TAOK3: variants seen among roughly 807,000 people sequenced by gnomAD.
TAOK3 encodes the protein serine/threonine-protein kinase TAO3.
Under a neutral mutation model 120.4 loss-of-function variants are expected in TAOK3, and 40 were observed. The observed-to-expected ratio is 0.33, with a 90% CI of 0.26 to 0.43. The LOEUF (loss-of-function observed/expected upper bound fraction) is 0.43. Among genes scored for constraint, TAOK3 ranks in the 20% least tolerant of loss-of-function variants. TAOK3 has a pLI of 1.00. For missense variants in TAOK3, 821 were observed against 1,112.1 expected, an observed-to-expected ratio of 0.74 and a Z score of 3.72; for synonymous variants, 355 against 387.5, an observed-to-expected ratio of 0.92 and a Z score of 0.99.
chr12:118,250,495 G>T (rs998177059), intron 3 of TAOK3, among the ~76,000 whole-genome samples: 1 of 152,170 alleles, frequency 6.6e-6, no homozygotes, highest in Non-Finnish European at 1.5e-5. Context: ...AATACTAGCT[G>T]CCAGACTCTG....
intron 1 of TAOK3, among the ~76,000 whole-genome samples, chr12:118,344,563 G>C (rs1462308263): frequency 6.6e-6 from 1 of 151,872 alleles, no homozygotes; most frequent in Non-Finnish European, 1.5e-5. Flanking sequence ...AAAATACATG[G>C]CAATTGGAAC....
At position 118,215,925 on chromosome 12, in the gene TAOK3, C is replaced by A. The variant is rs948740830; in HGVS notation, c.644-1815G>T. 1.2e-3 allele frequency among the ~76,000 whole-genome samples: 181 copies of A among 149,648 alleles called. 1 individual carries two copies. The highest frequency in any genetic ancestry group is 4.3e-3 in the African/African-American group (176 of 40,504). The stretch of plus-strand genomic sequence containing the variant: ...TTTTTTTTTTTGTATAGAGGCTGGG[C>A]GCGTTGGCTGACACCTATAATCCCA... On this transcript the variant is annotated intron_variant, in intron 9 of 20. Coordinates refer to ENST00000392533, the MANE Select transcript of TAOK3 (RefSeq NM_016281.4).
At chr12:118,252,926 C>T (rs1341924928) in intron 3 of TAOK3, among the ~76,000 whole-genome samples, 3 of 152,098 alleles carry the variant, frequency 2.0e-5, no homozygotes, top group Non-Finnish European at 2.9e-5. Flanking sequence ...CGGGGTTTCT[C>T]CGTGTTAGCC....
chr12:118,212,980 C>T lies in TAOK3; in HGVS notation c.753G>A (p.Arg251=). 1 of 1,612,132 alleles carries T rather than the reference C, an allele frequency of 6.2e-7. No individual in the cohort carries two copies. The highest frequency in any genetic ancestry group is 1.7e-4 in the Middle Eastern group (1 of 6,054). Residue 251 remains arginine, a synonymous_variant, in exon 11 of 21, where the codon AGG becomes AGA. Transcript: ENST00000392533. ...LQSNEWTDSF[R]RFVDYCLQKI... is the part of the protein sequence containing the mutation. ...TCTGCAAGCAGTAATCAACAAATCT[C>T]CTAAAGGAGTCTGTCCTGTGTGTGC...
At chr12:118,347,646 T>C (rs1202896895) in intron 1 of TAOK3, among the ~76,000 whole-genome samples, 2 of 152,188 alleles carry the variant, frequency 1.3e-5, no homozygotes, top group African/African-American at 2.4e-5. Context: ...ACCCACCTCT[T>C]CTGGCTTATC....
intron 1 of TAOK3, among the ~76,000 whole-genome samples, chr12:118,341,256 T>C (rs1201027748): frequency 1.3e-5 from 2 of 152,046 alleles, no homozygotes; most frequent in Non-Finnish European, 2.9e-5. Context: ...CTGCCTCGGC[T>C]TCCCAAAGTG....
At chr12:118,296,448 T>C (rs902794439) in intron 1 of TAOK3, among the ~76,000 whole-genome samples, 5 of 152,186 alleles carry the variant, frequency 3.3e-5, no homozygotes, top group East Asian at 1.9e-4. Flanking sequence ...TTTTTTCTAA[T>C]GGACAGAGCA....
At chr12:118,282,088 A>G (rs1223722755) in intron 1 of TAOK3, among the ~76,000 whole-genome samples, 4 of 152,226 alleles carry the variant, frequency 2.6e-5, no homozygotes, top group African/African-American at 2.4e-5. Context: ...TCCTTGATCT[A>G]CAGTAACCTG....
chr12:118,154,925 C>G (rs1394464210), intron 19 of TAOK3, among the ~76,000 whole-genome samples: 1 of 152,086 alleles, frequency 6.6e-6, no homozygotes, highest in Non-Finnish European at 1.5e-5. Context: ...TCCCCCTTAT[C>G]CCCCCAAGCC....
intron 20 of TAOK3, among the ~76,000 whole-genome samples, chr12:118,152,020 G>A (rs1260093838): frequency 6.6e-6 from 1 of 152,186 alleles, no homozygotes; most frequent in Non-Finnish European, 1.5e-5. Flanking sequence ...GAAAGACTTA[G>A]GATGTGGGGT....
chr12:118,353,956 A>G (rs2045288899), intron 1 of TAOK3, among the ~76,000 whole-genome samples: 1 of 152,172 alleles, frequency 6.6e-6, no homozygotes, highest in African/African-American at 2.4e-5. Flanking sequence ...CTGTTTTGCT[A>G]ACACATCCCT....
rs2138136949 is a variant in TAOK3 at position 118,150,903 on chromosome 12, G to T, written c.*94C>A. The T allele has an allele frequency of 1.6e-6, 2 of 1,228,284 alleles. No homozygotes were observed. Among genetic ancestry groups the T allele is most frequent in the Non-Finnish European group, 2.2e-6 (2 of 891,706 alleles). 76.1% of individuals were successfully genotyped at this position (1,228,284 alleles called of 1,614,324 possible). A position where few individuals can be genotyped will look rare whatever the true frequency, so the allele number is the denominator to read the frequency against. On this transcript the variant is annotated 3_prime_UTR_variant, in exon 21 of 21. Transcript: ENST00000392533. ...AAGAGAGAGAGAGAGTGAGAGCAAC[G>T]CCCGTTAAAATGGGGAATGTGGTTT...
At chr12:118,255,329 T>C in intron 3 of TAOK3, 119 bp downstream of exon 3, 2 of 1,059,992 alleles carry the variant, frequency 1.9e-6, no homozygotes, top group Middle Eastern at 3.0e-4. Context: ...CCTAGGCTGG[T>C]CTTTCCTCCC....
intron 1 of TAOK3, among the ~76,000 whole-genome samples, chr12:118,319,354 C>T (rs183398530): frequency 3.5e-4 from 53 of 152,134 alleles, no homozygotes; most frequent in Admixed American, 1.0e-3. Flanking sequence ...TATCAAAGGA[C>T]GCTATCAAGA....
rs566255288 is a variant in TAOK3, at chr12:118,274,311, T to C, written c.-193-7552A>G. Among the ~76,000 whole-genome samples the C allele has an allele frequency of 2.6e-5, 4 of 152,254 alleles. No homozygotes were observed. In the South Asian group the frequency reaches 8.3e-4, roughly 32 times the overall value. ...GTTCTATAGCCCAACTGTGAACAAA[T>C]ATCCTCACATTTAAGAGCTGAAAAA... is the stretch of plus-strand genomic sequence containing the variant. On this transcript the variant is annotated intron_variant, in intron 1 of 20. Transcript: ENST00000392533.
At chr12:118,152,532 AAC>A (rs748820446) in intron 19 of TAOK3, 123 bp from the exon 20 acceptor site, 98 of 891,214 alleles carry the variant, frequency 1.1e-4, no homozygotes, top group Middle Eastern at 7.0e-4. Flanking sequence ...CCCCCTCAAA[AAC>A]ACAGATGCTC....
intron 1 of TAOK3, among the ~76,000 whole-genome samples, chr12:118,282,202 A>G (rs1210374151): frequency 5.9e-5 from 9 of 152,220 alleles, no homozygotes; most frequent in Admixed American, 5.2e-4. Flanking sequence ...TCTGTTTTCT[A>G]CCAAACCTCT....
At position 118,172,518 on chromosome 12, in the gene TAOK3, C is replaced by T. The variant is rs112958260; in HGVS notation, c.1838G>A (p.Arg613His). 26 of 1,614,000 alleles carry T rather than the reference C, an allele frequency of 1.6e-5. No individual in the cohort carries two copies. The highest frequency in any genetic ancestry group is 9.3e-5 in the African/African-American group (7 of 74,910). Residue 613 changes from arginine (R) to histidine (H), a missense_variant, in exon 17 of 21, where the codon CGT (arginine) becomes CAT (histidine). Around this residue, in one of 2 missense-constraint regions of TAOK3, gnomAD observed 354 missense variants for 572.1 expected, o/e 0.62. Coordinates refer to ENST00000392533, the MANE Select transcript of TAOK3 (RefSeq NM_016281.4). The stretch of plus-strand genomic sequence containing the variant: ...GATCATTATTTTCCGCTTGAAGAAA[C>T]GACAATTTTTGTCGTAGTACAGTCT... ...QQRLYYDKNC[R>H]FFKRKIMIKR...
At position 118,173,317 on chromosome 12, in the gene TAOK3, T is replaced by C. The variant is rs554181456; in HGVS notation, c.1696-657A>G. Among the ~76,000 whole-genome samples, 3 of 152,292 alleles carry C rather than the reference T, an allele frequency of 2.0e-5. No homozygotes were observed. In the South Asian group the frequency reaches 6.2e-4, roughly 32 times the overall value. ...AAGTCTGGCCAGGTAGGCAGGACCA[T>C]TGAGGCTTTACAGGCCAATATAAGG... On this transcript the variant is annotated intron_variant, in intron 16 of 20. Transcript: ENST00000392533.
Sources: gnomAD v4.1 joint callset for allele counts (sites outside exome capture counted in the v4.1 genomes callset) on GRCh38, gnomAD v4.1.1 for gene constraint, gnomAD v4.1.1 regional missense constraint, MANE v1.5 for transcripts, NCBI Gene and HGNC (gene_info 2026-07-23, HGNC 2026-07-21) for gene names.